CALD1: variants seen among roughly 807,000 people sequenced by gnomAD.
CALD1 encodes caldesmon.
CALD1 carries 33 observed loss-of-function variants against 99.9 expected under a neutral mutation model. That is an observed-to-expected ratio of 0.33 (90% CI 0.25 to 0.44). The LOEUF (loss-of-function observed/expected upper bound fraction) is 0.44, where lower values mean the gene tolerates loss of function less well. Among genes scored for constraint, CALD1 ranks in the 20% least tolerant of loss-of-function variants. CALD1 has a pLI of 1.00. For missense variants in CALD1, 861 were observed against 962.1 expected, an observed-to-expected ratio of 0.89 and a Z score of 1.39; for synonymous variants, 310 against 325.0, an observed-to-expected ratio of 0.95 and a Z score of 0.50.
At chr7:134,765,481 C>G (rs1364181424) in intron 1 of CALD1, among the ~76,000 whole-genome samples, 1 of 152,110 alleles carries the variant, frequency 6.6e-6, no homozygotes, top group Non-Finnish European at 1.5e-5. Flanking sequence ...CCCCACTGCA[C>G]AGAATTTTTG....
chr7:134,712,466 G>A, the CALD1 span, among the ~76,000 whole-genome samples: 749 of 152,222 alleles, frequency 4.9e-3, 10 homozygotes, highest in African/African-American at 0.016. Context: ...CTGGATACAC[G>A]CATTGCATGC....
chr7:134,871,593 G>A (rs772044899), intron 3 of CALD1, among the ~76,000 whole-genome samples: 32 of 152,110 alleles, frequency 2.1e-4, no homozygotes, highest in Non-Finnish European at 1.5e-4. Flanking sequence ...CATGTACCCC[G>A]TATGGGTTCA....
intron 1 of CALD1, among the ~76,000 whole-genome samples, chr7:134,748,136 A>G (rs1200099347): frequency 1.3e-5 from 2 of 152,266 alleles, no homozygotes; most frequent in East Asian, 3.8e-4. Context: ...GAGCATTAAG[A>G]TTTTGGACTT....
intron 1 of CALD1, among the ~76,000 whole-genome samples, chr7:134,802,837 T>C (rs1272003721): frequency 6.6e-6 from 1 of 152,240 alleles, no homozygotes; most frequent in African/African-American, 2.4e-5. Flanking sequence ...TCAAGGACCA[T>C]CTGTGTAAGA....
intron 3 of CALD1, among the ~76,000 whole-genome samples, chr7:134,903,336 C>T (rs1803129442): frequency 6.6e-6 from 1 of 152,052 alleles, no homozygotes. Flanking sequence ...TCAGTTGTAA[C>T]AAATGTACTA....
chr7:134,872,357 CA>C (rs35569742), intron 3 of CALD1, among the ~76,000 whole-genome samples: 5,689 of 98,576 alleles, frequency 0.058, 45 homozygotes, highest in Middle Eastern at 0.085. Flanking sequence ...GACTCGGTCT[CA>C]AAAAAAAAAA....
At chr7:134,827,185 C>T (rs961173650) in intron 1 of CALD1, among the ~76,000 whole-genome samples, 7 of 152,168 alleles carry the variant, frequency 4.6e-5, no homozygotes, top group Non-Finnish European at 4.4e-5. Flanking sequence ...CTTAGTAACT[C>T]TAAGAAGCAA....
intron 1 of CALD1, among the ~76,000 whole-genome samples, chr7:134,801,012 T>C (rs536184745): frequency 5.3e-5 from 8 of 151,152 alleles, no homozygotes; most frequent in East Asian, 1.9e-4. Flanking sequence ...GCCTACCCTA[T>C]ATTTTCTGAT....
At chr7:134,854,793 T>A (rs1800228673) in intron 2 of CALD1, among the ~76,000 whole-genome samples, 1 of 152,162 alleles carries the variant, frequency 6.6e-6, no homozygotes, top group Non-Finnish European at 1.5e-5. Flanking sequence ...AGCTATCTGG[T>A]AAAGGCAGTG....
intron 3 of CALD1, among the ~76,000 whole-genome samples, chr7:134,870,826 G>T (rs1461310584): frequency 6.6e-6 from 1 of 151,902 alleles, no homozygotes; most frequent in Admixed American, 6.6e-5. Flanking sequence ...GTTTCAAGGT[G>T]AGCCTTCTAG....
At chr7:134,857,448 C>T (rs911305133) in intron 2 of CALD1, among the ~76,000 whole-genome samples, 49 of 151,940 alleles carry the variant, frequency 3.2e-4, no homozygotes, top group Admixed American at 1.0e-3. Context: ...TGAGCCACCG[C>T]GCCCGGCCAG....
chr7:134,883,871 G>T (rs1306866516), intron 3 of CALD1, among the ~76,000 whole-genome samples: 1 of 152,228 alleles, frequency 6.6e-6, no homozygotes, highest in Non-Finnish European at 1.5e-5. Context: ...ACTTTGGGAG[G>T]CCGAGGCGGG....
intron 9 of CALD1, among the ~76,000 whole-genome samples, chr7:134,956,803 T>C (rs1167328441): frequency 6.6e-6 from 1 of 152,196 alleles, no homozygotes; most frequent in Non-Finnish European, 1.5e-5. Context: ...CATGCAGTCA[T>C]AAGCAAAGAA....
At chr7:134,753,512 C>A (rs1796702801) in intron 1 of CALD1, among the ~76,000 whole-genome samples, 1 of 152,170 alleles carries the variant, frequency 6.6e-6, no homozygotes, top group African/African-American at 2.4e-5. Flanking sequence ...CCGGCTCCAC[C>A]TAGGAAATGT....
At chr7:134,811,073 C>T (rs1259604571) in intron 1 of CALD1, among the ~76,000 whole-genome samples, 1 of 152,118 alleles carries the variant, frequency 6.6e-6, no homozygotes, top group East Asian at 1.9e-4. Flanking sequence ...CACAAACCTC[C>T]GTGTATTATA....
At chr7:134,893,996 T>A (rs1802386665) in intron 3 of CALD1, among the ~76,000 whole-genome samples, 1 of 152,208 alleles carries the variant, frequency 6.6e-6, no homozygotes, top group South Asian at 2.1e-4. Context: ...GCATTTTACG[T>A]ATGATAACAG....
intron 3 of CALD1, among the ~76,000 whole-genome samples, chr7:134,911,128 A>G (rs902210572): frequency 2.0e-5 from 3 of 147,884 alleles, no homozygotes; most frequent in Non-Finnish European, 3.0e-5. Context: ...TGCCGCCGCC[A>G]CTCCTCGGTT....
At chr7:134,803,364 C>T (rs1265537950) in intron 1 of CALD1, among the ~76,000 whole-genome samples, 1 of 152,094 alleles carries the variant, frequency 6.6e-6, no homozygotes, top group South Asian at 2.1e-4. Context: ...TTTTGATAAA[C>T]AAAAGTTTTA....
At chr7:134,713,494 A>G in the CALD1 span, among the ~76,000 whole-genome samples, 1 of 152,192 alleles carries the variant, frequency 6.6e-6, no homozygotes, top group Non-Finnish European at 1.5e-5. Context: ...CCTTACACTA[A>G]GCAGGATTTC....
Sources: gnomAD v4.1 joint callset for allele counts (sites outside exome capture counted in the v4.1 genomes callset) on GRCh38, gnomAD v4.1.1 for gene constraint, MANE v1.5 for transcripts, NCBI Gene and HGNC (gene_info 2026-07-23, HGNC 2026-07-21) for gene names.